The following DEPDC4 variants were observed in gnomAD, a reference collection of about 807,000 sequenced individuals.
The protein encoded by DEPDC4 is DEP domain containing 4, also known as DEP domain-containing protein 4.
DEPDC4 carries 52 observed loss-of-function variants against 52.0 expected under a neutral mutation model. That is an observed-to-expected ratio of 1.00 (90% CI 0.80 to 1.26). DEPDC4 has a LOEUF of 1.26. DEPDC4 is among the 50% of genes most tolerant of loss of function. DEPDC4 has a pLI of 0.00. For synonymous variants in DEPDC4, 201 were observed against 196.8 expected (o/e 1.02, Z -0.18); for missense variants, 530 against 546.9 (o/e 0.97, Z 0.31).
At position 100,262,383 on chromosome 12, in the gene DEPDC4, G is replaced by A; in HGVS notation, c.581C>T (p.Pro194Leu). Reference sequence around the variant, plus strand: ...TTCCTCACCAATCTCCTGTGCTAGAGGATTTGAAATCATTTCATATCCTGG... The same window carrying A: ...TTCCTCACCAATCTCCTGTGCTAGAAGATTTGAAATCATTTCATATCCTGG... Reference protein sequence around the residue: ...LRPGYEMISNPLAQEIGEERI... With the variant: ...LRPGYEMISNLLAQEIGEERI... Residue 194 changes from proline (P) to leucine (L), a missense_variant, in exon 3 of 10, where the codon CCT becomes CTT. Pro to Leu is a moderately conservative substitution (Grantham distance 98, BLOSUM62 -3). Transcript: ENST00000550587. 4 of 1,609,388 alleles carry A rather than the reference G, an allele frequency of 2.5e-6. No individual in the cohort carries two copies. The highest frequency in any genetic ancestry group is 2.2e-5 in the South Asian group (2 of 89,710).
chr12:100,232,505 A>G, intron 9 of DEPDC4, among the ~76,000 whole-genome samples: 1 of 152,178 alleles, frequency 6.6e-6, no homozygotes, highest in East Asian at 1.9e-4. Flanking sequence ...TCAGTAAATT[A>G]ATTTATTAGG....
Position 100,256,110 on chromosome 12 carries a change from C to A in DEPDC4, c.817G>T (p.Asp273Tyr). 6.2e-7 allele frequency: 1 copy of A among 1,613,286 alleles called. No individual in the cohort carries two copies. The highest frequency in any genetic ancestry group is 8.5e-7 in the Non-Finnish European group (1 of 1,179,540). The change falls in exon 4 of 10, where the codon GAT (aspartate) becomes TAT (tyrosine). Residue 273 changes from aspartate (D) to tyrosine (Y), a missense_variant. Coordinates refer to ENST00000550587, the MANE Select transcript of DEPDC4 (RefSeq NM_001364818.2). ...TQNLQLNKEE[D>Y]LVITNTCLDR... is the part of the protein sequence containing the mutation. ...AGGCAAGTGTTAGTGATAACAAGAT[C>A]TTCCTCTTTGTTTAGTTGAAGATTT...
the DEPDC4 span, among the ~76,000 whole-genome samples, chr12:100,277,045 T>G: frequency 6.6e-6 from 1 of 152,210 alleles, no homozygotes; most frequent in African/African-American, 2.4e-5. Context: ...TTTGCAGTTT[T>G]TCTATATATT....
At chr12:100,244,178 G>A (rs1488347486) in intron 8 of DEPDC4, among the ~76,000 whole-genome samples, 2 of 130,806 alleles carry the variant, frequency 1.5e-5, no homozygotes, top group Non-Finnish European at 3.2e-5. Flanking sequence ...TGGTTTTTTG[G>A]TTTGTTTGTT....
At chr12:100,247,551 CCTT>C (rs1485676453) in intron 8 of DEPDC4, among the ~76,000 whole-genome samples, 1 of 152,138 alleles carries the variant, frequency 6.6e-6, no homozygotes, top group Non-Finnish European at 1.5e-5. Flanking sequence ...TGCTGACAAT[CCTT>C]CTATTTTCCT....
At chr12:100,267,320 A>G (rs2096278806), upstream of DEPDC4, 1 of 447,988 alleles carries the variant, frequency 2.2e-6, no homozygotes, top group Non-Finnish European at 4.0e-6. Context: ...AAGGCAGAGC[A>G]GGAACAGCCA....
intron 1 of DEPDC4, among the ~76,000 whole-genome samples, chr12:100,265,431 T>C (rs994323823): frequency 6.6e-6 from 1 of 151,788 alleles, no homozygotes; most frequent in Non-Finnish European, 1.5e-5. Context: ...CTACCAAAAA[T>C]ACAACACAAA....
intron 1 of DEPDC4, among the ~76,000 whole-genome samples, chr12:100,266,088 A>G: frequency 6.6e-6 from 1 of 152,248 alleles, no homozygotes; most frequent in East Asian, 1.9e-4. Flanking sequence ...ATTTAATTAA[A>G]ATTAATTAAA....
downstream of DEPDC4, among the ~76,000 whole-genome samples, chr12:100,239,624 A>G (rs529901864): frequency 2.6e-4 from 40 of 151,712 alleles, no homozygotes; most frequent in South Asian, 5.8e-3. Flanking sequence ...GTCTCAAGCA[A>G]TTCTCCTGCA....
chr12:100,235,066 T>TAC (rs2096139309), downstream of DEPDC4, among the ~76,000 whole-genome samples: 2 of 1,132 alleles, frequency 1.8e-3, no homozygotes, highest in Admixed American at 0.045. Flanking sequence ...TATGTGTGTG[T>TAC]ATATATATAT....
At position 100,240,435 on chromosome 12, in the gene DEPDC4, G is replaced by A. The variant is rs936744576; in HGVS notation, c.*1457C>T. ...CTCTCCCTGGCCTCCCAAAAGTGCC[G>A]GGACTACAGGCATGGGCCACCAAGG... On this transcript the variant is annotated 3_prime_UTR_variant, in exon 10 of 10. Transcript: ENST00000550587. Among the ~76,000 whole-genome samples the A allele has an allele frequency of 7.2e-5, 11 of 152,304 alleles. No homozygotes were observed. The South Asian group carries it at 1.4e-3, about 20-fold the overall frequency.
chr12:100,250,039 C>T (rs1052276784), intron 7 of DEPDC4, among the ~76,000 whole-genome samples: 1 of 152,064 alleles, frequency 6.6e-6, no homozygotes, highest in Non-Finnish European at 1.5e-5. Context: ...GTGGCATGTT[C>T]GAGAGCCCCT....
the DEPDC4 span, among the ~76,000 whole-genome samples, chr12:100,280,655 C>G: frequency 2.0e-5 from 3 of 152,116 alleles, no homozygotes; most frequent in East Asian, 5.8e-4. Context: ...TATCCCTAAT[C>G]CAAAAATCTG....
rs989584896 is a variant in DEPDC4, at chr12:100,240,926, A to G, written c.*966T>C. On this transcript the variant is annotated 3_prime_UTR_variant, in exon 10 of 10. Transcript: ENST00000550587. ...AAATTAGCCGGGCATAGTGGCAGGT[A>G]CCTATAATCCCAGCTACTCGGGAGG... 6.6e-6 allele frequency among the ~76,000 whole-genome samples: 1 copy of G among 152,020 alleles called. No individual in the cohort carries two copies. Among genetic ancestry groups the G allele is most frequent in the Non-Finnish European group, 1.5e-5 (1 of 67,996 alleles).
chr12:100,266,843 C>T (rs1003012227), intron 1 of DEPDC4, 77 bp downstream of exon 1: 2 of 1,524,262 alleles, frequency 1.3e-6, no homozygotes, highest in African/African-American at 1.4e-5. Flanking sequence ...CAATGAGGAG[C>T]AGAGTCCCAG....
At chr12:100,254,560 C>G (rs115895144) in intron 4 of DEPDC4, among the ~76,000 whole-genome samples, 109 of 152,204 alleles carry the variant, frequency 7.2e-4, no homozygotes, top group African/African-American at 2.6e-3. Flanking sequence ...CTTCTGGACT[C>G]AAGCGATCCA....
chr12:100,256,695 G>A (rs1043366852), intron 3 of DEPDC4, among the ~76,000 whole-genome samples: 2 of 149,874 alleles, frequency 1.3e-5, no homozygotes, highest in Non-Finnish European at 3.0e-5. Context: ...AGGCTCGAGT[G>A]TAGTGGTGAG....
chr12:100,261,814 A>G, intron 3 of DEPDC4: 2 of 456,136 alleles, frequency 4.4e-6, no homozygotes, highest in South Asian at 3.1e-5. Context: ...TACACTACTT[A>G]AATCACATTT....
At chr12:100,262,707 C>T (rs987057572) in intron 2 of DEPDC4, among the ~76,000 whole-genome samples, 1 of 152,104 alleles carries the variant, frequency 6.6e-6, no homozygotes, top group African/African-American at 2.4e-5. Context: ...TTTTAGTACA[C>T]TGGCTAAGTC....
Sources: allele counts gnomAD v4.1 joint callset (sites outside exome capture counted in the v4.1 genomes callset), GRCh38; gene constraint gnomAD v4.1.1; transcripts MANE v1.5; gene names NCBI Gene and HGNC (gene_info 2026-07-23, HGNC 2026-07-21).